Variants in TNN observed in about 807,000 individuals in gnomAD.
TNN encodes tenascin-N.
In TNN, 122 loss-of-function variants were observed where a neutral mutation model predicts 134.4. That is an observed-to-expected ratio of 0.91 (90% CI 0.78 to 1.06). The LOEUF is 1.06. TNN is among the 50% of genes least tolerant of loss of function. The probability of loss-of-function intolerance (pLI) is 0.00; values close to 1 mark genes in which losing one functional copy is unlikely to be tolerated. For synonymous variants in TNN, 710 were observed against 670.3 expected (o/e 1.06, Z -0.91); for missense variants, 1,739 against 1,699.4 (o/e 1.02, Z -0.41).
Position 175,123,564 on chromosome 1 carries a change from G to T in TNN, c.2815G>T (p.Val939Phe). Residue 939 changes from valine (V) to phenylalanine (F), a missense_variant, in exon 12 of 19, where the codon GTC becomes TTC. Val to Phe is a conservative substitution (Grantham distance 50, BLOSUM62 -1). Transcript: ENST00000239462. ...GGTGGGGAAGGAGCACAGCAGCACTGTCCTGACGGGCCTGAGACCAGGCAT... is the reference window on the plus strand; with the variant it reads ...GGTGGGGAAGGAGCACAGCAGCACTTTCCTGACGGGCCTGAGACCAGGCAT... Reference protein sequence around the residue: ...VPVGKEHSSTVLTGLRPGMEY... With the variant: ...VPVGKEHSSTFLTGLRPGMEY... 1.2e-6 allele frequency: 2 copies of T among 1,614,038 alleles called. No individual in the cohort carries two copies. Among genetic ancestry groups the T allele is most frequent in the Non-Finnish European group, 1.7e-6 (2 of 1,179,916 alleles).
At chr1:175,113,155 A>G (rs1391384250) in intron 9 of TNN, among the ~76,000 whole-genome samples, 1 of 151,914 alleles carries the variant, frequency 6.6e-6, no homozygotes, top group Admixed American at 6.6e-5. Context: ...GTGAGTTTAT[A>G]CTTTTCTATG....
chr1:175,119,402 G>A (rs921734666), intron 11 of TNN, among the ~76,000 whole-genome samples: 1 of 152,096 alleles, frequency 6.6e-6, no homozygotes, highest in Non-Finnish European at 1.5e-5. Context: ...GGTCTTGGCC[G>A]GCTTCTTTAC....
intron 13 of TNN, 139 bp downstream of exon 13, chr1:175,127,224 C>T (rs756142963): frequency 6.3e-5 from 68 of 1,077,580 alleles, no homozygotes; most frequent in Middle Eastern, 4.5e-4. Context: ...ACATCTGCCC[C>T]GGGTTATTTT....
chr1:175,130,104 T>C (rs1675636433), intron 15 of TNN, among the ~76,000 whole-genome samples: 1 of 152,174 alleles, frequency 6.6e-6, no homozygotes, highest in African/African-American at 2.4e-5. Context: ...GCCCCTTTTC[T>C]CCCTGTGCCT....
chr1:175,141,396 A>G (rs1482297722), intron 17 of TNN, among the ~76,000 whole-genome samples: 1 of 152,164 alleles, frequency 6.6e-6, no homozygotes, highest in Non-Finnish European at 1.5e-5. Flanking sequence ...ATGGATCCCA[A>G]CCTGGGGGCA....
intron 12 of TNN, among the ~76,000 whole-genome samples, chr1:175,126,105 T>TTTC (rs67198101): frequency 7.0e-3 from 27 of 3,842 alleles, no homozygotes; most frequent in African/African-American, 0.026. Context: ...TGTTTCTTTC[T>TTTC]TTTTTTTTTT....
intron 6 of TNN, among the ~76,000 whole-genome samples, chr1:175,092,865 C>T (rs1351338628): frequency 6.6e-6 from 1 of 152,192 alleles, no homozygotes; most frequent in Non-Finnish European, 1.5e-5. Flanking sequence ...GACAGCCTTA[C>T]CTTTGAAAGC....
intron 6 of TNN, among the ~76,000 whole-genome samples, chr1:175,093,628 G>C (rs1331982348): frequency 6.6e-6 from 1 of 152,154 alleles, no homozygotes; most frequent in Non-Finnish European, 1.5e-5. Flanking sequence ...CTAGGGAGGG[G>C]AATGATGACT....
chr1:175,106,690 G>A (rs7552543), intron 9 of TNN, among the ~76,000 whole-genome samples: 35,672 of 145,148 alleles, frequency 0.25, 7,502 homozygotes, highest in African/African-American at 0.27. Flanking sequence ...TCGCTTGGGC[G>A]ACATGCTTTT....
chr1:175,109,850 CT>C (rs907813059), intron 9 of TNN, among the ~76,000 whole-genome samples: 13 of 151,524 alleles, frequency 8.6e-5, no homozygotes, highest in African/African-American at 2.2e-4. Flanking sequence ...TACTGATTTC[CT>C]TTTTTTTGGA....
rs78574812 is a variant in TNN, at chr1:175,084,252, A to G, written c.1234+317A>G. ...AGAATGGATTTGATGGTGTATAGATATTCCTTTTGGAGGAACTTTAGTATT... is the reference window on the plus strand; with the variant it reads ...AGAATGGATTTGATGGTGTATAGATGTTCCTTTTGGAGGAACTTTAGTATT... On this transcript the variant is annotated intron_variant, in intron 5 of 18. Coordinates refer to ENST00000239462, the MANE Select transcript of TNN (RefSeq NM_022093.2). Among the ~76,000 whole-genome samples, 1,302 of 152,258 alleles carry G rather than the reference A, an allele frequency of 8.6e-3. 6 individuals are homozygous for G. Among genetic ancestry groups the G allele is most frequent in the Non-Finnish European group, 0.013 (885 of 68,020 alleles).
At chr1:175,090,838 T>C (rs923879980) in intron 6 of TNN, among the ~76,000 whole-genome samples, 5 of 152,182 alleles carry the variant, frequency 3.3e-5, no homozygotes, top group Admixed American at 3.3e-4. Context: ...TTACAAACCT[T>C]ACTTTACATC....
At position 175,073,413 on chromosome 1, in the gene TNN, T is replaced by TC. The variant is rs372030285; in HGVS notation, c.-35-3965dup. Among the ~76,000 whole-genome samples the TC allele has an allele frequency of 3.5e-4, 53 of 152,168 alleles. 1 individual carries two copies. The highest frequency in any genetic ancestry group is 1.3e-3 in the African/African-American group (52 of 41,510). ...CCAACTCATTTTCCTGGCTTCCCAC[T>TC]CCCCCCATCTTCTGACAAAAATCTC... is the stretch of plus-strand genomic sequence containing the variant. On this transcript the variant is annotated intron_variant, in intron 1 of 18. Coordinates refer to ENST00000239462, the MANE Select transcript of TNN (RefSeq NM_022093.2).
Position 175,080,243 on chromosome 1 carries a change from G to T in TNN, c.865G>T (p.Asp289Tyr), listed in dbSNP as rs16847812. 1 of 1,613,934 alleles carries T rather than the reference G, an allele frequency of 6.2e-7. No individual in the cohort carries two copies. Among genetic ancestry groups the T allele is most frequent in the Non-Finnish European group, 8.5e-7 (1 of 1,179,944 alleles). ...GAGCTGGGAGCCCTCCAGCCAGGTG[G>T]ATCACTACCTCCTCAGCTACTACCC... Reference protein sequence around the residue: ...LVSWEPSSQVDHYLLSYYPLG... With the variant: ...LVSWEPSSQVYHYLLSYYPLG... Residue 289 changes from aspartate to tyrosine, a missense_variant, in exon 4 of 19, where the codon GAT (aspartate) becomes TAT (tyrosine). Transcript: ENST00000239462.
intron 9 of TNN, among the ~76,000 whole-genome samples, chr1:175,115,704 G>A (rs773016169): frequency 6.6e-6 from 1 of 152,130 alleles, no homozygotes; most frequent in Non-Finnish European, 1.5e-5. Flanking sequence ...TAGCCATGCA[G>A]GCCACAGGGG....
intron 15 of TNN, among the ~76,000 whole-genome samples, chr1:175,132,449 G>A (rs1015311335): frequency 6.6e-6 from 1 of 152,166 alleles, no homozygotes; most frequent in South Asian, 2.1e-4. Flanking sequence ...AGAAAAGTGA[G>A]GGAAGCCAAG....
In TNN at chr1:175,107,396, C is replaced by T. The variant is rs1332954393; in HGVS notation, c.2119+8801C>T. On this transcript the variant is annotated intron_variant, in intron 9 of 18. Coordinates refer to ENST00000239462, the MANE Select transcript of TNN (RefSeq NM_022093.2). ...TTCTTCCTTCTGGTGGGTTCGTGGTCTCGCTGGCTCAGGAGTGAAGCTGCA... is the reference window on the plus strand; with the variant it reads ...TTCTTCCTTCTGGTGGGTTCGTGGTTTCGCTGGCTCAGGAGTGAAGCTGCA... Among the ~76,000 whole-genome samples, 4 of 143,892 alleles carry T rather than the reference C, an allele frequency of 2.8e-5. 1 individual carries two copies. The highest frequency in any genetic ancestry group is 6.1e-5 in the Non-Finnish European group (4 of 65,066). The allele number at this position is 143,892 out of a possible 152,430, so 94.4% of individuals were successfully genotyped here.
chr1:175,112,062 C>G (rs760365260), intron 9 of TNN, among the ~76,000 whole-genome samples: 1 of 151,900 alleles, frequency 6.6e-6, no homozygotes, highest in African/African-American at 2.4e-5. Flanking sequence ...TCATCCTTGT[C>G]TTGTTCTGGT....
Position 175,105,122 on chromosome 1 carries a change from G to T in TNN, c.2119+6527G>T, listed in dbSNP as rs113758857. On this transcript the variant is annotated intron_variant, in intron 9 of 18. Transcript: ENST00000239462. ...AAACTCTCAGGCTGCAGCTAAAGCC[G>T]CATTCTTTTCATTAAAGGCCAGGGT... Among the ~76,000 whole-genome samples, 2 of 145,820 alleles carry T rather than the reference G, an allele frequency of 1.4e-5. 1 individual carries two copies. The highest frequency in any genetic ancestry group is 3.0e-5 in the Non-Finnish European group (2 of 65,740).
Sources: gnomAD v4.1 joint callset for allele counts (sites outside exome capture counted in the v4.1 genomes callset) on GRCh38, gnomAD v4.1.1 for gene constraint, MANE v1.5 for transcripts, NCBI Gene and HGNC (gene_info 2026-07-23, HGNC 2026-07-21) for gene names.